FRMPD1: variants seen among roughly 807,000 people sequenced by gnomAD.
The protein encoded by FRMPD1 is FERM and PDZ domain containing 1, also known as FERM and PDZ domain-containing protein 1.
FRMPD1 carries 76 observed loss-of-function variants against 117.8 expected under a neutral mutation model. The observed-to-expected ratio is 0.65, with a 90% CI of 0.54 to 0.78. The LOEUF (loss-of-function observed/expected upper bound fraction) is 0.78. FRMPD1 is among the 30% of genes least tolerant of loss of function. The probability of loss-of-function intolerance (pLI) is 0.00; values close to 1 mark genes in which losing one functional copy is unlikely to be tolerated. For synonymous variants in FRMPD1, 783 were observed against 770.4 expected (o/e 1.02, Z -0.27); for missense variants, 1,786 against 1,964.5 (o/e 0.91, Z 1.72).
the FRMPD1 span, among the ~76,000 whole-genome samples, chr9:37,616,767 G>C: frequency 2.6e-5 from 4 of 152,146 alleles, no homozygotes; most frequent in African/African-American, 9.7e-5. Context: ...GTATCTCTAG[G>C]AGATAGAACA....
At chr9:37,625,278 G>A in the FRMPD1 span, among the ~76,000 whole-genome samples, 1 of 152,128 alleles carries the variant, frequency 6.6e-6, no homozygotes, top group African/African-American at 2.4e-5. Flanking sequence ...CACTGTAATT[G>A]CTTTTCTTGG....
chr9:37,698,475 T>G lies in FRMPD1; in HGVS notation c.101+5733T>G, dbSNP rs376273843. 9.2e-5 allele frequency among the ~76,000 whole-genome samples: 14 copies of G among 151,868 alleles called. No individual in the cohort carries two copies. In the South Asian group the frequency reaches 2.7e-3, roughly 29 times the overall value. On this transcript the variant is annotated intron_variant, in intron 2 of 15. Coordinates refer to ENST00000377765, the MANE Select transcript of FRMPD1 (RefSeq NM_014907.3). The stretch of plus-strand genomic sequence containing the variant: ...TTTCTGGGCTGGCTATTCTGTTCCA[T>G]TGATGTAACTGCCTACTTTTACACA...
chr9:37,690,830 G>T (rs544859014), intron 1 of FRMPD1, among the ~76,000 whole-genome samples: 2 of 152,252 alleles, frequency 1.3e-5, no homozygotes, highest in East Asian at 3.9e-4. Context: ...ATCTGGTAAG[G>T]GCCTTCTTGC....
chr9:37,724,357 G>C, intron 7 of FRMPD1, 37 bp downstream of exon 7: 1 of 1,137,936 alleles, frequency 8.8e-7, no homozygotes, highest in Non-Finnish European at 1.3e-6. Context: ...TTCCCAAGAA[G>C]AATGTTCTGG....
At chr9:37,742,630 G>A (rs983428142) in intron 15 of FRMPD1, among the ~76,000 whole-genome samples, 8 of 152,178 alleles carry the variant, frequency 5.3e-5, no homozygotes, top group Admixed American at 1.3e-4. Context: ...CGGGCGCAGT[G>A]GTTCACACTT....
chr9:37,730,716 A>G (rs1339119848), intron 8 of FRMPD1, among the ~76,000 whole-genome samples: 1 of 152,254 alleles, frequency 6.6e-6, no homozygotes, highest in Non-Finnish European at 1.5e-5. Context: ...GGGGCACACA[A>G]GAAACTGAAA....
intron 1 of FRMPD1, among the ~76,000 whole-genome samples, chr9:37,668,785 A>G (rs1346430730): frequency 1.3e-5 from 2 of 152,244 alleles, no homozygotes; most frequent in African/African-American, 2.4e-5. Context: ...TTCAGTGTTC[A>G]TAATCGCAAT....
At chr9:37,713,742 C>A (rs770819092) in intron 5 of FRMPD1, among the ~76,000 whole-genome samples, 1 of 151,924 alleles carries the variant, frequency 6.6e-6, no homozygotes, top group East Asian at 1.9e-4. Flanking sequence ...GGAGAAAAGG[C>A]AATTATTCAA....
chr9:37,638,022 T>TTCTTTCTTTCTTTCTC, the FRMPD1 span, among the ~76,000 whole-genome samples: 29 of 81,066 alleles, frequency 3.6e-4, 1 homozygote, highest in Non-Finnish European at 5.8e-4. Flanking sequence ...CTTTCTTTCT[T>TTCTTTCTTTCTTTCTC]TCTCTCTCTT....
At chr9:37,637,001 T>C in the FRMPD1 span, 3 of 1,569,868 alleles carry the variant, frequency 1.9e-6, no homozygotes, top group African/African-American at 1.3e-5. Context: ...CTGCTTCACG[T>C]TGGCATAGGA....
At position 37,734,337 on chromosome 9, in the gene FRMPD1, A is replaced by G. The variant is rs7027733; in HGVS notation, c.1218+512A>G. Reference sequence around the variant, plus strand: ...AAATTGGAAATCATGAAAGAAAAATAAGAGTGTTTGACTGCCAAGCTGAGT... The same window carrying G: ...AAATTGGAAATCATGAAAGAAAAATGAGAGTGTTTGACTGCCAAGCTGAGT... On this transcript the variant is annotated intron_variant, in intron 12 of 15. Coordinates refer to ENST00000377765, the MANE Select transcript of FRMPD1 (RefSeq NM_014907.3). Among the ~76,000 whole-genome samples, 425 of 152,296 alleles carry G rather than the reference A, an allele frequency of 2.8e-3. 4 individuals are homozygous for G. The highest frequency in any genetic ancestry group is 9.7e-3 in the African/African-American group (403 of 41,560).
chr9:37,709,350 G>T (rs974087330), intron 4 of FRMPD1, among the ~76,000 whole-genome samples: 2 of 148,904 alleles, frequency 1.3e-5, no homozygotes, highest in African/African-American at 2.5e-5. Context: ...GGTATTAATT[G>T]TTTTTTTTTC....
intron 4 of FRMPD1, among the ~76,000 whole-genome samples, chr9:37,709,265 A>G (rs894826633): frequency 6.7e-6 from 1 of 149,904 alleles, no homozygotes; most frequent in Admixed American, 6.7e-5. Flanking sequence ...GATGAAAGCT[A>G]ACTTGAAGAG....
At chr9:37,653,133 A>T (rs947810220) in intron 1 of FRMPD1, among the ~76,000 whole-genome samples, 4 of 152,178 alleles carry the variant, frequency 2.6e-5, no homozygotes, top group African/African-American at 9.7e-5. Flanking sequence ...GGAGGCTCTG[A>T]ACCTGGGCTG....
rs1823988583 is a variant in FRMPD1 at position 37,733,581 on chromosome 9, G to A, written c.1104G>A (p.Leu368=). ...ISFHMKRNQN[L]LEPRQKQLIS... ...TCCACATGAAGAGGAACCAGAATTT[G>A]CTGGAACCCCGACAGAAGGTAATGA... Residue 368 remains leucine (L), a synonymous_variant, in exon 11 of 16, where the codon TTG becomes TTA. Transcript: ENST00000377765. 6.2e-7 allele frequency: 1 copy of A among 1,614,060 alleles called. No homozygotes were observed. Among genetic ancestry groups the A allele is most frequent in the Non-Finnish European group, 8.5e-7 (1 of 1,179,968 alleles).
At chr9:37,688,355 G>A (rs771112176) in intron 1 of FRMPD1, among the ~76,000 whole-genome samples, 1 of 151,660 alleles carries the variant, frequency 6.6e-6, no homozygotes, top group African/African-American at 2.4e-5. Flanking sequence ...TTTGTCTTCT[G>A]TATTTTTCAA....
At chr9:37,627,085 GAGCTGTTTCTTTC>G in the FRMPD1 span, among the ~76,000 whole-genome samples, 1 of 94,420 alleles carries the variant, frequency 1.1e-5, no homozygotes, top group African/African-American at 3.2e-5. Flanking sequence ...CGTTTTCCCA[GAGCTGTTTCTTTC>G]AGCTCCCATG....
At chr9:37,714,610 ATTTTATTTTATTTTG>A (rs1481844725) in intron 5 of FRMPD1, among the ~76,000 whole-genome samples, 2,247 of 93,846 alleles carry the variant, frequency 0.024, 57 homozygotes, top group African/African-American at 0.084. Flanking sequence ...ATTTTATTTT[ATTTTATTTTATTTTG>A]TTTTGTTTTA....
At chr9:37,736,886 C>T (rs71487721) in intron 13 of FRMPD1, among the ~76,000 whole-genome samples, 14 of 66,472 alleles carry the variant, frequency 2.1e-4, no homozygotes, top group South Asian at 1.4e-3. Flanking sequence ...TGTATGTGTG[C>T]GCACACACAC....
Sources: gnomAD v4.1 joint callset for allele counts (sites outside exome capture counted in the v4.1 genomes callset) on GRCh38, gnomAD v4.1.1 for gene constraint, MANE v1.5 for transcripts, NCBI Gene and HGNC (gene_info 2026-07-23, HGNC 2026-07-21) for gene names.